The following JAZF1 variants were observed in gnomAD, a reference collection of about 807,000 sequenced individuals.
JAZF1 encodes JAZF zinc finger 1.
Under a neutral mutation model 26.4 loss-of-function variants are expected in JAZF1, and 8 were observed. That is an observed-to-expected ratio of 0.30 (90% CI 0.18 to 0.55). The LOEUF (loss-of-function observed/expected upper bound fraction) is 0.55. JAZF1 is among the 20% of genes least tolerant of loss of function. The pLI, the probability that JAZF1 is intolerant of heterozygous loss-of-function variation, is 0.94. For synonymous variants in JAZF1, 126 were observed against 122.3 expected, an observed-to-expected ratio of 1.03 and a Z score of -0.20; for missense variants, 199 against 322.0, an observed-to-expected ratio of 0.62 and a Z score of 2.92.
chr7:27,890,167 TATA>T (rs1369607907), intron 3 of JAZF1, among the ~76,000 whole-genome samples: 15 of 152,262 alleles, frequency 9.9e-5, no homozygotes, highest in African/African-American at 3.1e-4. Context: ...AAAACAGTGG[TATA>T]ATGGTAAAGT....
rs536127910 is a variant in JAZF1 at position 28,044,134 on chromosome 7, T to C, written c.116-52153A>G. 2.0e-4 allele frequency among the ~76,000 whole-genome samples: 30 copies of C among 152,314 alleles called. No homozygotes were observed. In the South Asian group the frequency reaches 4.8e-3, roughly 24 times the overall value. On this transcript the variant is annotated intron_variant, in intron 1 of 4. Transcript: ENST00000283928. Reference sequence around the variant, plus strand: ...CCCTTTAAAATGTTTAAATGGTGAATAGTACGCTATGTGAACTTCACCTCT... The same window carrying C: ...CCCTTTAAAATGTTTAAATGGTGAACAGTACGCTATGTGAACTTCACCTCT...
intron 3 of JAZF1, among the ~76,000 whole-genome samples, chr7:27,856,902 A>C (rs1219038097): frequency 6.6e-6 from 1 of 152,234 alleles, no homozygotes; most frequent in Non-Finnish European, 1.5e-5. Context: ...TGAGCTAGAG[A>C]CAAAGTGCTG....
chr7:27,982,393 A>G (rs988198995), intron 2 of JAZF1, among the ~76,000 whole-genome samples: 1 of 152,138 alleles, frequency 6.6e-6, no homozygotes, highest in Non-Finnish European at 1.5e-5. Flanking sequence ...GGCGGCAGCG[A>G]GGCTGGGGGA....
intron 1 of JAZF1, among the ~76,000 whole-genome samples, chr7:28,010,503 T>C (rs1782782305): frequency 6.6e-6 from 1 of 152,164 alleles, no homozygotes. Flanking sequence ...CCTAGAATGA[T>C]ATGCCTTTGT....
At chr7:28,166,212 A>G (rs1349360832) in intron 1 of JAZF1, among the ~76,000 whole-genome samples, 1 of 152,212 alleles carries the variant, frequency 6.6e-6, no homozygotes, top group Non-Finnish European at 1.5e-5. Context: ...TCAGGGCAAT[A>G]TATTCTATAA....
At chr7:28,170,224 A>G (rs1783433850) in intron 1 of JAZF1, among the ~76,000 whole-genome samples, 1 of 152,154 alleles carries the variant, frequency 6.6e-6, no homozygotes, top group Admixed American at 6.5e-5. Flanking sequence ...AAAGTTCAAG[A>G]TCAGCCTGGG....
intron 1 of JAZF1, among the ~76,000 whole-genome samples, chr7:28,167,018 T>A (rs144888696): frequency 6.6e-6 from 1 of 152,006 alleles, no homozygotes; most frequent in South Asian, 2.1e-4. Context: ...TCACCATGGA[T>A]GCAAAAAAAA....
intron 2 of JAZF1, among the ~76,000 whole-genome samples, chr7:27,919,536 A>T (rs1396644021): frequency 6.6e-6 from 1 of 152,244 alleles, no homozygotes; most frequent in Non-Finnish European, 1.5e-5. Flanking sequence ...TAACTATCAG[A>T]GCTGGATAAC....
chr7:27,993,999 C>T (rs893948114), intron 1 of JAZF1, among the ~76,000 whole-genome samples: 3 of 152,168 alleles, frequency 2.0e-5, no homozygotes, highest in Non-Finnish European at 4.4e-5. Context: ...TTCCCACAAA[C>T]CATCTTCTAA....
chr7:28,074,514 C>T (rs1784023091), intron 1 of JAZF1, among the ~76,000 whole-genome samples: 1 of 152,146 alleles, frequency 6.6e-6, no homozygotes, highest in African/African-American at 2.4e-5. Context: ...TGTGTACATA[C>T]ACACATACAT....
At chr7:27,946,077 T>C (rs1583474667) in intron 2 of JAZF1, among the ~76,000 whole-genome samples, 1 of 152,308 alleles carries the variant, frequency 6.6e-6, no homozygotes, top group South Asian at 2.1e-4. Flanking sequence ...TAAAGGCTAA[T>C]ATAAGTGTTT....
In JAZF1 at chr7:27,953,120, TC is replaced by T. The variant is rs530669794; in HGVS notation, c.188+38788del. 1.9e-4 allele frequency among the ~76,000 whole-genome samples: 29 copies of T among 152,344 alleles called. 1 individual carries two copies. In the South Asian group the frequency reaches 3.9e-3, roughly 21 times the overall value. On this transcript the variant is annotated intron_variant, in intron 2 of 4. Transcript: ENST00000283928. ...GATGATGCCTCAAGTTTTACCAAAC[TC>T]AAGTTTTTCCAGCTGGCAAACCACA... is the stretch of plus-strand genomic sequence containing the variant.
rs187379635 is a variant in JAZF1, at chr7:28,111,896, T to A, written c.115+68567A>T. Among the ~76,000 whole-genome samples the A allele has an allele frequency of 1.5e-3, 221 of 152,322 alleles. 1 individual carries two copies. The highest frequency in any genetic ancestry group is 5.2e-3 in the African/African-American group (218 of 41,556). ...AGGTACAACCATATTTCTGCAAGCA[T>A]CAGAGTTCAAGGAAGAAACAAGACT... On this transcript the variant is annotated intron_variant, in intron 1 of 4. Coordinates refer to ENST00000283928, the MANE Select transcript of JAZF1 (RefSeq NM_175061.4).
intron 1 of JAZF1, among the ~76,000 whole-genome samples, chr7:28,125,757 C>A (rs1259345072): frequency 1.3e-5 from 2 of 152,188 alleles, no homozygotes; most frequent in African/African-American, 4.8e-5. Flanking sequence ...TGTCCCACCT[C>A]ACCACCACCC....
chr7:27,857,687 C>G (rs1385772605), intron 3 of JAZF1, among the ~76,000 whole-genome samples: 1 of 152,206 alleles, frequency 6.6e-6, no homozygotes, highest in Non-Finnish European at 1.5e-5. Flanking sequence ...TGACAAAATT[C>G]AACATCCATT....
chr7:28,094,371 C>G (rs571126669), intron 1 of JAZF1, among the ~76,000 whole-genome samples: 2 of 152,168 alleles, frequency 1.3e-5, no homozygotes, highest in Non-Finnish European at 2.9e-5. Flanking sequence ...AGACAGAAAC[C>G]AAAGGGCTGA....
intron 1 of JAZF1, among the ~76,000 whole-genome samples, chr7:28,057,050 T>C (rs991917735): frequency 3.9e-5 from 6 of 152,164 alleles, no homozygotes; most frequent in Non-Finnish European, 7.4e-5. Flanking sequence ...TTCTCCATAA[T>C]AGAAAGTAAG....
chr7:27,882,163 G>A (rs887710915), intron 3 of JAZF1, among the ~76,000 whole-genome samples: 1 of 152,128 alleles, frequency 6.6e-6, no homozygotes, highest in Middle Eastern at 3.4e-3. Context: ...TAAAACTGAA[G>A]AATTGGGGTA....
chr7:28,035,162 C>T (rs577512841), intron 1 of JAZF1, among the ~76,000 whole-genome samples: 10 of 151,116 alleles, frequency 6.6e-5, no homozygotes, highest in Non-Finnish European at 1.3e-4. Context: ...ACTAAAAATA[C>T]GAAAATTAGC....
Sources: allele counts gnomAD v4.1 joint callset (sites outside exome capture counted in the v4.1 genomes callset), GRCh38; gene constraint gnomAD v4.1.1; transcripts MANE v1.5; gene names NCBI Gene and HGNC (gene_info 2026-07-23, HGNC 2026-07-21).